CFAP206: variants seen among roughly 807,000 people sequenced by gnomAD.
CFAP206 encodes cilia- and flagella-associated protein 206.
CFAP206 carries 53 observed loss-of-function variants against 65.4 expected under a neutral mutation model. The observed-to-expected ratio is 0.81, with a 90% CI of 0.65 to 1.02. CFAP206 has a LOEUF of 1.02. CFAP206 is among the 50% of genes least tolerant of loss of function. The pLI is 0.00. For synonymous variants in CFAP206, 250 were observed against 254.4 expected, an observed-to-expected ratio of 0.98 and a Z score of 0.17; for missense variants, 663 against 753.2, an observed-to-expected ratio of 0.88 and a Z score of 1.40.
chr6:87,414,573 T>G (rs1256853480), intron 4 of CFAP206, among the ~76,000 whole-genome samples: 1 of 152,228 alleles, frequency 6.6e-6, no homozygotes, highest in Non-Finnish European at 1.5e-5. Context: ...GTGCTGGGAT[T>G]ATCAGTGTGA....
At chr6:87,453,234 T>A (rs1768575441) in intron 11 of CFAP206, among the ~76,000 whole-genome samples, 1 of 152,048 alleles carries the variant, frequency 6.6e-6, no homozygotes, top group Admixed American at 6.5e-5. Context: ...ATATATCTGA[T>A]GAAAATATCC....
intron 11 of CFAP206, among the ~76,000 whole-genome samples, chr6:87,453,821 A>C (rs1013455259): frequency 1.1e-4 from 16 of 152,208 alleles, no homozygotes; most frequent in African/African-American, 3.9e-4. Context: ...GAAGGAAGGA[A>C]GAAAGAGAAG....
At chr6:87,442,812 C>T (rs1253305590) in intron 11 of CFAP206, among the ~76,000 whole-genome samples, 4 of 152,090 alleles carry the variant, frequency 2.6e-5, no homozygotes, top group Non-Finnish European at 5.9e-5. Flanking sequence ...CTTTGCATTC[C>T]TGGGCTCAAT....
chr6:87,445,618 T>C (rs141962219), intron 11 of CFAP206, among the ~76,000 whole-genome samples: 4 of 152,316 alleles, frequency 2.6e-5, no homozygotes, highest in African/African-American at 9.6e-5. Flanking sequence ...GATGGGCACT[T>C]AGATTGATTC....
intron 3 of CFAP206, 55 bp from the exon 4 acceptor site, chr6:87,413,755 A>G: frequency 9.7e-7 from 1 of 1,035,648 alleles, no homozygotes. Flanking sequence ...TTTAGGAAAT[A>G]CTTGACTGTC....
At chr6:87,411,997 T>C (rs1313521329) in intron 3 of CFAP206, among the ~76,000 whole-genome samples, 1 of 152,222 alleles carries the variant, frequency 6.6e-6, no homozygotes, top group Non-Finnish European at 1.5e-5. Context: ...TCAGAAATTT[T>C]ATTGGAAAGC....
At chr6:87,436,994 G>A (rs927228677) in intron 11 of CFAP206, among the ~76,000 whole-genome samples, 7 of 151,540 alleles carry the variant, frequency 4.6e-5, no homozygotes, top group African/African-American at 7.3e-5. Flanking sequence ...TTTCTGAGAC[G>A]GAGTCTTGCT....
intron 11 of CFAP206, among the ~76,000 whole-genome samples, chr6:87,459,923 A>T (rs564193437): frequency 6.6e-6 from 1 of 152,232 alleles, no homozygotes; most frequent in African/African-American, 2.4e-5. Flanking sequence ...GTGACCTTTA[A>T]TATCTGCAGA....
At chr6:87,446,628 T>C (rs568819984) in intron 11 of CFAP206, among the ~76,000 whole-genome samples, 1 of 152,356 alleles carries the variant, frequency 6.6e-6, no homozygotes, top group East Asian at 1.9e-4. Context: ...TTGGGTAGCA[T>C]GATGCCTTCC....
chr6:87,457,520 T>C (rs1768668775), intron 11 of CFAP206, among the ~76,000 whole-genome samples: 1 of 152,192 alleles, frequency 6.6e-6, no homozygotes, highest in African/African-American at 2.4e-5. Flanking sequence ...TCCATACATC[T>C]ACTGTGAACT....
At chr6:87,415,456 G>T in intron 4 of CFAP206, 1 of 538,602 alleles carries the variant, frequency 1.9e-6, no homozygotes, top group Non-Finnish European at 3.5e-6. Flanking sequence ...TAAAGTCTTA[G>T]GTGTTTTGAC....
intron 11 of CFAP206, among the ~76,000 whole-genome samples, chr6:87,451,038 T>C (rs867829913): frequency 1.3e-5 from 2 of 152,178 alleles, no homozygotes; most frequent in African/African-American, 2.4e-5. Flanking sequence ...ATCTCAGCAG[T>C]TGGAACCTGA....
chr6:87,436,078 T>C (rs1768262516), intron 11 of CFAP206: 1 of 146,600 alleles, frequency 6.8e-6, no homozygotes, highest in African/African-American at 2.5e-5. Context: ...AAATGTCTGT[T>C]GTTTCCTTTT....
chr6:87,430,197 A>G (rs901696490), intron 9 of CFAP206, among the ~76,000 whole-genome samples: 1 of 152,166 alleles, frequency 6.6e-6, no homozygotes, highest in Non-Finnish European at 1.5e-5. Context: ...GAAAAAAGAG[A>G]GAGGATTTAT....
At position 87,450,891 on chromosome 6, in the gene CFAP206, G is replaced by A. The variant is rs113493015; in HGVS notation, c.1495-10131G>A. Among the ~76,000 whole-genome samples the A allele has an allele frequency of 7.3e-3, 1,110 of 152,286 alleles. 21 individuals are homozygous for A. The highest frequency in any genetic ancestry group is 0.025 in the African/African-American group (1,057 of 41,554). On this transcript the variant is annotated intron_variant, in intron 11 of 12. Coordinates refer to ENST00000369562, the MANE Select transcript of CFAP206 (RefSeq NM_001031743.3). ...AGAGAATCTGTGTACTTGGTGGAGG[G>A]AGAGCAAAGTGATTGTTAGGACTTT... is the stretch of plus-strand genomic sequence containing the variant.
intron 7 of CFAP206, among the ~76,000 whole-genome samples, chr6:87,419,666 C>G (rs769334796): frequency 8.5e-5 from 13 of 152,194 alleles, no homozygotes; most frequent in Non-Finnish European, 1.9e-4. Context: ...AGGATGTATT[C>G]TGACCACCTC....
chr6:87,431,256 C>G (rs1314995057), intron 10 of CFAP206, 83 bp downstream of exon 10: 26 of 1,257,152 alleles, frequency 2.1e-5, no homozygotes, highest in Non-Finnish European at 2.7e-5. Flanking sequence ...TGAATATTCA[C>G]TTTAAAAACT....
At position 87,464,054 on chromosome 6, in the gene CFAP206, A is replaced by C; in HGVS notation, c.1673A>C (p.Gln558Pro). 1.2e-6 allele frequency: 2 copies of C among 1,614,082 alleles called. No homozygotes were observed. The highest frequency in any genetic ancestry group is 2.2e-5 in the South Asian group (2 of 91,076). The change falls in exon 13 of 13, where the codon CAA becomes CCA. Residue 558 changes from glutamine to proline, a missense_variant. Physicochemically the swap from Gln to Pro is moderately conservative, Grantham distance 76 (BLOSUM62 -1). Transcript: ENST00000369562. ...CGCCAGAAAGTTACTCACTCAGTAC[A>C]AACTGATCTTAGTCACTTGAGAAGA... ...NLRQKVTHSV[Q>P]TDLSHLRREN...
rs934460349 is a variant in CFAP206, at chr6:87,410,665, TA to T, written c.191del (p.Lys64SerfsTer4). Reference protein sequence around the residue: ...LMKSDVQNLVKLCMTRLLDTK... With the variant: ...LMKSDVQNLVXLCMTRLLDTK... ...TGAAAAGTGATGTGCAGAATCTTGT[TA>T]AGGTGATTACCCAACAGTCCTCAAA... On this transcript the variant is annotated frameshift_variant and splice_region_variant, in exon 3 of 13. Coordinates refer to ENST00000369562, the MANE Select transcript of CFAP206 (RefSeq NM_001031743.3). LOFTEE classifies it high-confidence loss of function. The T allele has an allele frequency of 6.2e-7, 1 of 1,612,336 alleles. No individual in the cohort carries two copies. Among genetic ancestry groups the T allele is most frequent in the African/African-American group, 1.3e-5 (1 of 74,882 alleles).
Sources: allele counts gnomAD v4.1 joint callset (sites outside exome capture counted in the v4.1 genomes callset), GRCh38; gene constraint gnomAD v4.1.1; transcripts MANE v1.5; gene names NCBI Gene and HGNC (gene_info 2026-07-23, HGNC 2026-07-21).